The following PDE4B variants were observed in gnomAD, a reference collection of about 807,000 sequenced individuals.
The protein encoded by PDE4B is 3',5'-cyclic-AMP phosphodiesterase 4B.
Under a neutral mutation model 82.2 loss-of-function variants are expected in PDE4B, and 20 were observed. That is an observed-to-expected ratio of 0.24 (90% CI 0.17 to 0.35). The LOEUF is 0.35. Among genes scored for constraint, PDE4B ranks in the 10% least tolerant of loss-of-function variants. The pLI is 1.00. For synonymous variants in PDE4B, 320 were observed against 318.9 expected (o/e 1.00, Z -0.04); for missense variants, 655 against 907.2 (o/e 0.72, Z 3.57).
chr1:65,999,848 A>AT (rs1185580854), intron 3 of PDE4B, among the ~76,000 whole-genome samples: 6 of 152,116 alleles, frequency 3.9e-5, no homozygotes, highest in African/African-American at 1.4e-4. Context: ...TTCTATGAGC[A>AT]TTTTTCCTAT....
At chr1:66,122,943 G>A (rs527329015) in intron 3 of PDE4B, among the ~76,000 whole-genome samples, 2 of 151,256 alleles carry the variant, frequency 1.3e-5, no homozygotes, top group South Asian at 4.2e-4. Context: ...TGACCTCAGG[G>A]GATCTGTCTG....
At chr1:66,188,490 C>T (rs1464478500) in intron 3 of PDE4B, among the ~76,000 whole-genome samples, 8 of 152,004 alleles carry the variant, frequency 5.3e-5, no homozygotes, top group African/African-American at 1.9e-4. Context: ...GTAGGTCACA[C>T]AGGACTTGCT....
intron 1 of PDE4B, among the ~76,000 whole-genome samples, chr1:65,827,868 A>G (rs1338801588): frequency 1.3e-5 from 2 of 152,204 alleles, no homozygotes; most frequent in Non-Finnish European, 2.9e-5. Flanking sequence ...AAAGTTGAAA[A>G]CCAAATACAA....
chr1:66,340,348 C>A (rs550771935), intron 8 of PDE4B, among the ~76,000 whole-genome samples: 3 of 152,260 alleles, frequency 2.0e-5, no homozygotes, highest in African/African-American at 7.2e-5. Context: ...ACTCCTGTTT[C>A]TTTTGTTTCT....
chr1:66,368,916 A>G lies in PDE4B; in HGVS notation c.1792A>G (p.Met598Val). Residue 598 changes from methionine to valine, a missense_variant, in exon 16 of 17, where the codon ATG (methionine) becomes GTG (valine). Transcript: ENST00000341517. ...GGGAGACAAAGAGCGGGAGAGGGGA[A>G]TGGAAATTAGCCCAATGTGTGATAA... ...QQGDKERERG[M>V]EISPMCDKHT... 1 of 1,613,614 alleles carries G rather than the reference A, an allele frequency of 6.2e-7. No homozygotes were observed. Among genetic ancestry groups the G allele is most frequent in the Non-Finnish European group, 8.5e-7 (1 of 1,179,656 alleles).
intron 3 of PDE4B, among the ~76,000 whole-genome samples, chr1:65,993,804 C>A (rs1358997096): frequency 2.0e-5 from 3 of 151,914 alleles, no homozygotes; most frequent in Non-Finnish European, 4.4e-5. Context: ...TTTTTAAATA[C>A]CCAGCAAATA....
chr1:65,899,920 A>G lies in PDE4B; in HGVS notation c.-70-13325A>G, dbSNP rs1054748106. Among the ~76,000 whole-genome samples, 8 of 151,916 alleles carry G rather than the reference A, an allele frequency of 5.3e-5. No homozygotes were observed. The South Asian group carries it at 1.5e-3, about 28-fold the overall frequency. ...GGGTGAGGGATAAAAGACTACAAAT[A>G]GGGTGCAGTGTATGCAGCTTGATTT... On this transcript the variant is annotated intron_variant, in intron 1 of 16. Transcript: ENST00000341517.
In PDE4B at chr1:66,255,471, T is replaced by C. The variant is rs573494017; in HGVS notation, c.477-2176T>C. Among the ~76,000 whole-genome samples the C allele has an allele frequency of 9.2e-5, 14 of 152,356 alleles. No homozygotes were observed. In the East Asian group the frequency reaches 2.7e-3, roughly 29 times the overall value. On this transcript the variant is annotated intron_variant, in intron 4 of 16. Coordinates refer to ENST00000341517, the MANE Select transcript of PDE4B (RefSeq NM_002600.4). ...CATAATATGAGCGTGGGAGGCCTTC[T>C]ATCCTTATTCTCTACAAATGTCTAT...
chr1:66,304,296 G>A (rs573166958), intron 7 of PDE4B, among the ~76,000 whole-genome samples: 5 of 152,226 alleles, frequency 3.3e-5, no homozygotes, highest in South Asian at 2.1e-4. Context: ...AAAAGAGCAC[G>A]ACTGGGTTCT....
chr1:65,893,911 G>A (rs897026905), intron 1 of PDE4B, among the ~76,000 whole-genome samples: 4 of 152,080 alleles, frequency 2.6e-5, no homozygotes, highest in South Asian at 4.1e-4. Context: ...ACCAAATATC[G>A]TATGTTCTCA....
chr1:66,089,506 T>C (rs1644967500), intron 3 of PDE4B, among the ~76,000 whole-genome samples: 1 of 152,084 alleles, frequency 6.6e-6, no homozygotes, highest in Non-Finnish European at 1.5e-5. Flanking sequence ...TTCACATTTA[T>C]TAATGGCTGT....
intron 3 of PDE4B, among the ~76,000 whole-genome samples, chr1:66,002,242 C>G (rs998302355): frequency 2.0e-5 from 3 of 152,004 alleles, no homozygotes; most frequent in Non-Finnish European, 4.4e-5. Context: ...ACTAGTAATA[C>G]CGAACATCTT....
At chr1:66,304,132 A>G (rs1427519972) in intron 7 of PDE4B, among the ~76,000 whole-genome samples, 1 of 152,124 alleles carries the variant, frequency 6.6e-6, no homozygotes, top group African/African-American at 2.4e-5. Context: ...TAATAAGCAT[A>G]TTAATATAAT....
chr1:66,056,834 C>G (rs1655330252), intron 3 of PDE4B, among the ~76,000 whole-genome samples: 1 of 152,132 alleles, frequency 6.6e-6, no homozygotes, highest in South Asian at 2.1e-4. Flanking sequence ...CCCTTAGGGT[C>G]TCCAGAAAGG....
chr1:66,356,032 C>G (rs575549376), intron 9 of PDE4B, among the ~76,000 whole-genome samples: 1 of 152,248 alleles, frequency 6.6e-6, no homozygotes, highest in South Asian at 2.1e-4. Flanking sequence ...CAAAAGGTTT[C>G]CTCTATGATG....
At chr1:65,833,092 G>C (rs544513661) in intron 1 of PDE4B, among the ~76,000 whole-genome samples, 7 of 152,272 alleles carry the variant, frequency 4.6e-5, no homozygotes, top group African/African-American at 1.4e-4. Flanking sequence ...AAACCATTTA[G>C]ATTTAAGGAT....
intron 3 of PDE4B, among the ~76,000 whole-genome samples, chr1:65,958,112 T>C (rs1156278077): frequency 6.6e-6 from 1 of 152,086 alleles, no homozygotes; most frequent in Non-Finnish European, 1.5e-5. Context: ...ATGTCTGTTG[T>C]AGGCTTTTTA....
chr1:65,864,485 T>C (rs576939551), intron 1 of PDE4B, among the ~76,000 whole-genome samples: 1 of 152,328 alleles, frequency 6.6e-6, no homozygotes, highest in East Asian at 1.9e-4. Flanking sequence ...TTTTTCCTCA[T>C]CTTTGTTGAT....
intron 3 of PDE4B, among the ~76,000 whole-genome samples, chr1:66,033,642 C>T (rs774355541): frequency 1.3e-5 from 2 of 149,030 alleles, no homozygotes; most frequent in Non-Finnish European, 1.5e-5. Flanking sequence ...GATAAACAAG[C>T]AAGACTGACT....
Sources: gnomAD v4.1 joint callset for allele counts (sites outside exome capture counted in the v4.1 genomes callset) on GRCh38, gnomAD v4.1.1 for gene constraint, MANE v1.5 for transcripts, NCBI Gene and HGNC (gene_info 2026-07-23, HGNC 2026-07-21) for gene names.